Variants in ZHX3 observed in about 807,000 individuals in gnomAD.
ZHX3 encodes zinc fingers and homeoboxes protein 3.
Under a neutral mutation model 64.5 loss-of-function variants are expected in ZHX3, and 20 were observed. That is an observed-to-expected ratio of 0.31 (90% CI 0.22 to 0.45). ZHX3 has a LOEUF of 0.45. Among genes scored for constraint, ZHX3 ranks in the 20% least tolerant of loss-of-function variants. The pLI, the probability that ZHX3 is intolerant of heterozygous loss-of-function variation, is 1.00. For missense variants in ZHX3, 1,041 were observed against 1,195.8 expected, an observed-to-expected ratio of 0.87 and a Z score of 1.91; for synonymous variants, 423 against 461.6, an observed-to-expected ratio of 0.92 and a Z score of 1.07.
chr20:41,279,195 T>C (rs1413032932), intron 1 of ZHX3, among the ~76,000 whole-genome samples: 1 of 152,224 alleles, frequency 6.6e-6, no homozygotes, highest in East Asian at 1.9e-4. Flanking sequence ...TAAAGGCCCA[T>C]ATTGCCAAAC....
rs1162608479 is a variant in ZHX3 at position 41,269,869 on chromosome 20, AT to A, written c.-244-787del. Among the ~76,000 whole-genome samples, 4 of 147,772 alleles carry A rather than the reference AT, an allele frequency of 2.7e-5. No individual in the cohort carries two copies. In the South Asian group the frequency reaches 6.4e-4, roughly 24 times the overall value. ...ACTACGAGCATCCATGAATGTACAC[AT>A]TTTTTTTGCCCCTCAAAAAAAAAAA... is the stretch of plus-strand genomic sequence containing the variant. On this transcript the variant is annotated intron_variant, in intron 1 of 3. Coordinates refer to ENST00000683867, the MANE Select transcript of ZHX3 (RefSeq NM_001384317.1).
At chr20:41,205,125 G>A (rs1049617202) in intron 2 of ZHX3, 59 bp from the exon 3 acceptor site, 31 of 805,574 alleles carry the variant, frequency 3.8e-5, no homozygotes, top group African/African-American at 8.9e-5. Context: ...TATATTTCTC[G>A]GATACCCAGA....
intron 1 of ZHX3, among the ~76,000 whole-genome samples, chr20:41,274,188 G>A (rs1054114631): frequency 7.9e-5 from 12 of 152,162 alleles, no homozygotes; most frequent in African/African-American, 2.9e-4. Context: ...TTGGGCTATG[G>A]AAAAGGTCAG....
At chr20:41,209,894 C>G (rs1192654601) in intron 2 of ZHX3, among the ~76,000 whole-genome samples, 2 of 152,216 alleles carry the variant, frequency 1.3e-5, no homozygotes, top group African/African-American at 4.8e-5. Flanking sequence ...AAACCACCAT[C>G]AGAGTGAACA....
At chr20:41,207,220 A>G (rs2038788712) in intron 2 of ZHX3, among the ~76,000 whole-genome samples, 1 of 152,204 alleles carries the variant, frequency 6.6e-6, no homozygotes, top group African/African-American at 2.4e-5. Context: ...AAGACCATCA[A>G]TGCTAGAAAG....
intron 2 of ZHX3, among the ~76,000 whole-genome samples, chr20:41,261,038 G>C (rs1233029678): frequency 6.6e-6 from 1 of 152,142 alleles, no homozygotes; most frequent in African/African-American, 2.4e-5. Context: ...AGATTCAAAT[G>C]ACAGAAGGAA....
chr20:41,252,349 T>C (rs2042032314), intron 2 of ZHX3, among the ~76,000 whole-genome samples: 1 of 152,202 alleles, frequency 6.6e-6, no homozygotes, highest in Non-Finnish European at 1.5e-5. Flanking sequence ...GCCTCACTTC[T>C]AGTGGTTTCC....
At chr20:41,309,049 C>T (rs1174543249) in intron 1 of ZHX3, among the ~76,000 whole-genome samples, 1 of 152,014 alleles carries the variant, frequency 6.6e-6, no homozygotes, top group Non-Finnish European at 1.5e-5. Flanking sequence ...CAGAGACCAC[C>T]GAGGCAAACA....
intron 2 of ZHX3, among the ~76,000 whole-genome samples, chr20:41,262,489 T>C (rs1215598070): frequency 6.6e-6 from 1 of 152,172 alleles, no homozygotes; most frequent in African/African-American, 2.4e-5. Flanking sequence ...TGCTGGTACA[T>C]ACAGTAACAT....
chr20:41,209,281 T>A (rs1238160656), intron 2 of ZHX3, among the ~76,000 whole-genome samples: 1 of 152,156 alleles, frequency 6.6e-6, no homozygotes, highest in African/African-American at 2.4e-5. Context: ...AATTTATAGA[T>A]TCAATGCCAT....
Position 41,179,635 on chromosome 20 carries a change from T to TG in ZHX3, c.*5555_*5556insC, listed in dbSNP as rs1350556052. 35 of 137,036 alleles carry TG rather than the reference T, an allele frequency of 2.6e-4. 1 individual carries two copies. The highest frequency in any genetic ancestry group is 1.3e-3 in the African/African-American group (35 of 27,110). 8.5% of individuals were successfully genotyped at this position (137,036 alleles called of 1,614,324 possible). On this transcript the variant is annotated 3_prime_UTR_variant, in exon 4 of 4. Coordinates refer to ENST00000683867, the MANE Select transcript of ZHX3 (RefSeq NM_001384317.1). The surrounding 1 kb of genome is among the most constrained non-coding windows in gnomAD (Gnocchi z 4.3). ...TTTTAACTCCAGTCACATTAAGTTT[T>TG]TTTTTTTTTTTTGAGACGGAGTTTC...
At chr20:41,316,113 AC>A (rs991932892) in intron 1 of ZHX3, among the ~76,000 whole-genome samples, 1 of 152,144 alleles carries the variant, frequency 6.6e-6, no homozygotes, top group African/African-American at 2.4e-5. Context: ...CCTGTCATGA[AC>A]CACTGCACAA....
In ZHX3 at chr20:41,204,124, G is replaced by A; in HGVS notation, c.793C>T (p.Pro265Ser). 6.2e-7 allele frequency: 1 copy of A among 1,605,326 alleles called. No homozygotes were observed. The highest frequency in any genetic ancestry group is 8.5e-7 in the Non-Finnish European group (1 of 1,175,462). Residue 265 changes from proline (P) to serine (S), a missense_variant, in exon 3 of 4, where the codon CCA becomes TCA. By Grantham distance (74) the Pro-to-Ser change is moderately conservative (BLOSUM62 -1). This residue lies in a region of ZHX3 where 358 missense variants were observed against 369.1 expected (regional missense o/e 0.97). Transcript: ENST00000683867. The surrounding 1 kb of genome is among the most constrained non-coding windows in gnomAD (Gnocchi z 6.6). The stretch of plus-strand genomic sequence containing the variant: ...GAGAGGAACTGTGCTATGCCAGCTG[G>A]CAAAACTGGCACTGTTCCTATCAGG... ...GPLIGTVPVL[P>S]AGIAQFLSLQ...
chr20:41,184,119 A>G lies in ZHX3; in HGVS notation c.*1072T>C, dbSNP rs1302340852. 1.3e-5 allele frequency: 2 copies of G among 152,194 alleles called. No homozygotes were observed. The highest frequency in any genetic ancestry group is 2.9e-5 in the Non-Finnish European group (2 of 68,080). The allele number at this position is 152,194 out of a possible 1,614,324, so 9.4% of individuals were successfully genotyped here. A position where few individuals can be genotyped will look rare whatever the true frequency, so the allele number is the denominator to read the frequency against. On this transcript the variant is annotated 3_prime_UTR_variant, in exon 4 of 4. Coordinates refer to ENST00000683867, the MANE Select transcript of ZHX3 (RefSeq NM_001384317.1). ...TGCTAAAGACCACCCTACCTCTGATAATTCCAAGAAGTCAACAAATCCCTC... is the reference window on the plus strand; with the variant it reads ...TGCTAAAGACCACCCTACCTCTGATGATTCCAAGAAGTCAACAAATCCCTC...
At chr20:41,187,161 C>T (rs2036588893) in intron 3 of ZHX3, among the ~76,000 whole-genome samples, 1 of 151,618 alleles carries the variant, frequency 6.6e-6, no homozygotes, top group Non-Finnish European at 1.5e-5. Flanking sequence ...TACACACACA[C>T]CCACACACAA....
intron 2 of ZHX3, among the ~76,000 whole-genome samples, chr20:41,261,625 C>G (rs1189453834): frequency 2.0e-5 from 3 of 152,236 alleles, no homozygotes; most frequent in Non-Finnish European, 4.4e-5. Context: ...TCTGAAAAAG[C>G]TCTAGCCACC....
At chr20:41,268,159 T>C (rs2042954074) in intron 2 of ZHX3, among the ~76,000 whole-genome samples, 1 of 151,962 alleles carries the variant, frequency 6.6e-6, no homozygotes, top group South Asian at 2.1e-4. Context: ...TGCCATGGAG[T>C]TGCCTAAAGA....
intron 1 of ZHX3, among the ~76,000 whole-genome samples, chr20:41,313,877 T>C (rs909506977): frequency 1.3e-5 from 2 of 152,200 alleles, no homozygotes; most frequent in African/African-American, 4.8e-5. Flanking sequence ...ATTACAGGCA[T>C]GAGCCACCAC....
intron 1 of ZHX3, among the ~76,000 whole-genome samples, chr20:41,284,525 T>C (rs1170167650): frequency 6.6e-6 from 1 of 152,126 alleles, no homozygotes; most frequent in Non-Finnish European, 1.5e-5. Flanking sequence ...TTCACCAGTA[T>C]CCAACAATGG....
Sources: allele counts gnomAD v4.1 joint callset (sites outside exome capture counted in the v4.1 genomes callset), GRCh38; gene constraint gnomAD v4.1.1; regional missense constraint gnomAD v4.1.1; non-coding constraint Gnocchi (gnomAD v3.1); transcripts MANE v1.5; gene names NCBI Gene and HGNC (gene_info 2026-07-23, HGNC 2026-07-21).